Variants in CHD6 observed in about 807,000 individuals in gnomAD.
CHD6 encodes the protein ATP-dependent chromatin remodeler CHD6.
Under a neutral mutation model 276.9 loss-of-function variants are expected in CHD6, and 50 were observed. The observed-to-expected ratio is 0.18, with a 90% CI of 0.14 to 0.23. The LOEUF (loss-of-function observed/expected upper bound fraction) is 0.23. CHD6 is among the 10% of genes least tolerant of loss of function. The pLI is 1.00. For synonymous variants in CHD6, 1,173 were observed against 1,229.3 expected, an observed-to-expected ratio of 0.95 and a Z score of 0.96; for missense variants, 2,564 against 3,365.8, an observed-to-expected ratio of 0.76 and a Z score of 5.89.
At chr20:41,483,652 G>A (rs2043345989) in intron 15 of CHD6, 133 bp from the exon 16 acceptor site, 1 of 657,138 alleles carries the variant, frequency 1.5e-6, no homozygotes, top group African/African-American at 1.8e-5. Flanking sequence ...GGAGATGCTG[G>A]GTGCACTCTT....
intron 28 of CHD6, 112 bp downstream of exon 28, chr20:41,425,981 G>A: frequency 2.4e-6 from 2 of 822,450 alleles, no homozygotes; most frequent in East Asian, 2.4e-5. Context: ...AACTTACTTG[G>A]CTTTTTAAAA....
intron 1 of CHD6, among the ~76,000 whole-genome samples, chr20:41,574,818 G>C (rs1327302318): frequency 1.3e-5 from 2 of 151,922 alleles, no homozygotes; most frequent in African/African-American, 4.9e-5. Flanking sequence ...TGGAGGCAGG[G>C]AACCTGAGGC....
intron 1 of CHD6, among the ~76,000 whole-genome samples, chr20:41,553,531 A>T (rs535742888): frequency 1.7e-4 from 26 of 152,340 alleles, no homozygotes; most frequent in African/African-American, 6.0e-4. Context: ...TTACCTATTT[A>T]GGAAAGTTTT....
chr20:41,487,851 C>A, intron 13 of CHD6, 43 bp from the exon 14 acceptor site: 2 of 1,573,284 alleles, frequency 1.3e-6, no homozygotes, highest in African/African-American at 1.4e-5. Context: ...CTTGAGCCAT[C>A]AAAATAGTGC....
At chr20:41,548,207 A>G (rs905956314) in intron 2 of CHD6, among the ~76,000 whole-genome samples, 1 of 152,226 alleles carries the variant, frequency 6.6e-6, no homozygotes, top group Non-Finnish European at 1.5e-5. Context: ...TAAGAGGAGC[A>G]GGATCAAGTC....
At chr20:41,487,011 T>A (rs1247030389) in intron 14 of CHD6, among the ~76,000 whole-genome samples, 1 of 152,254 alleles carries the variant, frequency 6.6e-6, no homozygotes, top group East Asian at 1.9e-4. Flanking sequence ...CCTCTACTAT[T>A]TGTTCCTCTT....
rs1488906562 is a variant in CHD6 at position 41,403,443 on chromosome 20, T to C, written c.*1150A>G. The C allele has an allele frequency of 1.7e-5, 18 of 1,062,038 alleles. No homozygotes were observed. Among genetic ancestry groups the C allele is most frequent in the Non-Finnish European group, 2.1e-5 (18 of 877,330 alleles). The allele number at this position is 1,062,038 out of a possible 1,614,324, so 65.8% of individuals were successfully genotyped here. The stretch of plus-strand genomic sequence containing the variant: ...GCTGAGGAAGAAGAGAAAATAATGT[T>C]GACTTGCAATGTAGTTTCGATTAAC... On this transcript the variant is annotated 3_prime_UTR_variant, in exon 37 of 37. Coordinates refer to ENST00000373233, the MANE Select transcript of CHD6 (RefSeq NM_032221.5).
chr20:41,468,251 A>T (rs2042973579), intron 17 of CHD6, among the ~76,000 whole-genome samples: 1 of 151,950 alleles, frequency 6.6e-6, no homozygotes, highest in South Asian at 2.1e-4. Context: ...CTGGGATTAC[A>T]GGTGCCCATC....
intron 1 of CHD6, among the ~76,000 whole-genome samples, chr20:41,593,263 A>G (rs1261268206): frequency 6.6e-6 from 1 of 151,830 alleles, no homozygotes; most frequent in Non-Finnish European, 1.5e-5. Context: ...GAATAAATTC[A>G]GAGTTATAAA....
rs151156693 is a variant in CHD6, at chr20:41,510,676, A to C, written c.852+2170T>G. On this transcript the variant is annotated intron_variant, in intron 5 of 36. Transcript: ENST00000373233. ...TTTCTGTTAGTTAGATCAGCTACTG[A>C]TGCCCTTCAGGTGCCAGGGGAGAAG... 6.4e-3 allele frequency among the ~76,000 whole-genome samples: 978 copies of C among 152,354 alleles called. 11 individuals are homozygous for C. Among genetic ancestry groups the C allele is most frequent in the Middle Eastern group, 0.024 (7 of 294 alleles).
intron 1 of CHD6, among the ~76,000 whole-genome samples, chr20:41,577,550 A>C (rs574147211): frequency 2.0e-5 from 3 of 152,368 alleles, no homozygotes; most frequent in South Asian, 4.1e-4. Context: ...GGACTTTCCA[A>C]AGGGAAAGCG....
rs888740073 is a variant in CHD6, at chr20:41,488,711, A to G, written c.1681-107T>C. ...CACTACAGATGCTGGGGCCTAGGTG[A>G]GAAGACAAGCACTGCTTTTCCTCAT... is the stretch of plus-strand genomic sequence containing the variant. On this transcript the variant is annotated intron_variant, in intron 12 of 36. Transcript: ENST00000373233. The G allele has an allele frequency of 6.5e-6, 6 of 925,764 alleles. No individual in the cohort carries two copies. In the African/African-American group the frequency reaches 8.4e-5, roughly 13 times the overall value. 57.3% of individuals were successfully genotyped at this position (925,764 alleles called of 1,614,324 possible).
chr20:41,435,603 CAAAAA>C (rs34895530), intron 27 of CHD6, among the ~76,000 whole-genome samples: 19 of 110,178 alleles, frequency 1.7e-4, no homozygotes, highest in Non-Finnish European at 1.8e-4. Flanking sequence ...GACCCTGAGT[CAAAAA>C]AAAAAAAAAA....
rs141224315 is a variant in CHD6, at chr20:41,568,805, G to A, written c.-23-17445C>T. Among the ~76,000 whole-genome samples, 82 of 152,186 alleles carry A rather than the reference G, an allele frequency of 5.4e-4. No individual in the cohort carries two copies. The East Asian group carries it at 0.013, about 24-fold the overall frequency. On this transcript the variant is annotated intron_variant, in intron 1 of 36. Transcript: ENST00000373233. ...CCACATCCTACATCAAATTACCTTT[G>A]CAAACCAAGAAGGATGCTGCACCCT...
At chr20:41,547,738 T>C (rs1488571745) in intron 2 of CHD6, 2 of 560,762 alleles carry the variant, frequency 3.6e-6, no homozygotes, top group Non-Finnish European at 6.9e-6. Flanking sequence ...ATTATCACTT[T>C]TGATGAGATT....
intron 3 of CHD6, among the ~76,000 whole-genome samples, chr20:41,532,782 A>C (rs1033951179): frequency 1.3e-5 from 2 of 152,204 alleles, no homozygotes; most frequent in African/African-American, 4.8e-5. Context: ...GGGGGTGGGG[A>C]ATTCTTGGGA....
chr20:41,503,500 T>A lies in CHD6; in HGVS notation c.853-4143A>T, dbSNP rs553545898. On this transcript the variant is annotated intron_variant, in intron 5 of 36. Transcript: ENST00000373233. The stretch of plus-strand genomic sequence containing the variant: ...TATGACAGTGAAATATTTTTCTTAC[T>A]CTCAAATTCAGGAGAATGCATTCAA... Among the ~76,000 whole-genome samples the A allele has an allele frequency of 7.4e-4, 112 of 152,262 alleles. 1 individual carries two copies. Among genetic ancestry groups the A allele is most frequent in the South Asian group, 5.0e-3 (24 of 4,824 alleles).
intron 16 of CHD6, among the ~76,000 whole-genome samples, chr20:41,474,522 C>A (rs1414141845): frequency 6.6e-6 from 1 of 152,092 alleles, no homozygotes; most frequent in Admixed American, 6.6e-5. Flanking sequence ...CAAACATGAA[C>A]TGGTTAGTGA....
intron 19 of CHD6, among the ~76,000 whole-genome samples, chr20:41,455,528 CAG>C (rs1491043721): frequency 6.6e-6 from 1 of 152,212 alleles, no homozygotes; most frequent in Non-Finnish European, 1.5e-5. Flanking sequence ...TCCTTGCAAA[CAG>C]AGCCAACTGA....
Sources: allele counts gnomAD v4.1 joint callset (sites outside exome capture counted in the v4.1 genomes callset), GRCh38; gene constraint gnomAD v4.1.1; transcripts MANE v1.5; gene names NCBI Gene and HGNC (gene_info 2026-07-23, HGNC 2026-07-21).